Variants in CRACD observed in about 807,000 individuals in gnomAD.
CRACD encodes capping protein-inhibiting regulator of actin dynamics.
In CRACD, 56 loss-of-function variants were observed where a neutral mutation model predicts 106.8. The ratio of observed to expected loss-of-function variants is 0.52; its 90% CI spans 0.42 to 0.66. CRACD has a LOEUF of 0.66. Among genes scored for constraint, CRACD ranks in the 30% least tolerant of loss-of-function variants. The pLI, the probability that CRACD is intolerant of heterozygous loss-of-function variation, is 0.00. For missense variants in CRACD, 1,730 were observed against 1,623.2 expected, an observed-to-expected ratio of 1.07 and a Z score of -1.13; for synonymous variants, 754 against 670.8, an observed-to-expected ratio of 1.12 and a Z score of -1.92.
chr4:56,096,408 G>A (rs1733600772), intron 1 of CRACD, among the ~76,000 whole-genome samples: 1 of 152,102 alleles, frequency 6.6e-6, no homozygotes, highest in African/African-American at 2.4e-5. Flanking sequence ...AAAGATGGAA[G>A]TGTTTCAGGA....
intron 1 of CRACD, among the ~76,000 whole-genome samples, chr4:56,168,947 G>C (rs529592377): frequency 3.9e-5 from 6 of 152,062 alleles, no homozygotes; most frequent in Admixed American, 3.3e-4. Context: ...ATAGAAAAAC[G>C]TCATCAGTAG....
intron 3 of CRACD, among the ~76,000 whole-genome samples, chr4:56,294,045 G>A (rs1005605088): frequency 4.5e-4 from 68 of 152,052 alleles, no homozygotes; most frequent in African/African-American, 1.6e-3. Context: ...AGGGAAGATG[G>A]CAAGAACTCA....
intron 2 of CRACD, among the ~76,000 whole-genome samples, chr4:56,197,731 G>T (rs1171408155): frequency 6.6e-6 from 1 of 151,736 alleles, no homozygotes; most frequent in Non-Finnish European, 1.5e-5. Context: ...CCGCTGGAGT[G>T]CAGTGGTGGG....
Position 56,179,446 on chromosome 4 carries a change from A to G in CRACD, c.-189+16A>G, listed in dbSNP as rs1013620780. ...ATTAAGATAGGTAAGTCTTTTATGT[A>G]GAGTATGGAGAGGGAAGTAGCTTAT... is the stretch of plus-strand genomic sequence containing the variant. On this transcript the variant is annotated intron_variant, in intron 2 of 10. Transcript: ENST00000682029. 2 of 152,202 alleles carry G rather than the reference A, an allele frequency of 1.3e-5. No individual in the cohort carries two copies. 9.4% of individuals were successfully genotyped at this position (152,202 alleles called of 1,614,324 possible).
At position 56,265,294 on chromosome 4, in the gene CRACD, C is replaced by T. The variant is rs557216694; in HGVS notation, c.-188-7027C>T. On this transcript the variant is annotated intron_variant, in intron 2 of 10. Coordinates refer to ENST00000682029, the MANE Select transcript of CRACD (RefSeq NM_001393381.1). ...ATGGGATTCAGGCCATTGTTGTATA[C>T]ATGTTTGAAATCAGAAGTTGAAATA... is the stretch of plus-strand genomic sequence containing the variant. Among the ~76,000 whole-genome samples, 198 of 152,118 alleles carry T rather than the reference C, an allele frequency of 1.3e-3. 2 individuals carry two copies. Among genetic ancestry groups the T allele is most frequent in the Non-Finnish European group, 5.6e-4 (38 of 68,040 alleles).
intron 2 of CRACD, among the ~76,000 whole-genome samples, chr4:56,267,811 C>A (rs1742113931): frequency 6.6e-6 from 1 of 152,100 alleles, no homozygotes; most frequent in African/African-American, 2.4e-5. Context: ...AAGTTATTGC[C>A]CATATTAAGT....
chr4:56,307,024 A>G (rs1744763381), intron 4 of CRACD, among the ~76,000 whole-genome samples: 1 of 152,228 alleles, frequency 6.6e-6, no homozygotes, highest in South Asian at 2.1e-4. Flanking sequence ...GCTGGTGAGG[A>G]AGGCTGCGGA....
intron 1 of CRACD, among the ~76,000 whole-genome samples, chr4:56,070,234 G>A (rs892838636): frequency 6.6e-6 from 1 of 151,162 alleles, no homozygotes; most frequent in Non-Finnish European, 1.5e-5. Flanking sequence ...CCGGTTCCAC[G>A]CCTTCTCCAC....
At chr4:56,288,216 T>C (rs1284228796) in intron 3 of CRACD, among the ~76,000 whole-genome samples, 1 of 152,204 alleles carries the variant, frequency 6.6e-6, no homozygotes, top group East Asian at 1.9e-4. Context: ...CTTACCTTCC[T>C]CCTCCTGCTC....
At chr4:56,098,875 A>G (rs772667680) in intron 1 of CRACD, among the ~76,000 whole-genome samples, 1 of 152,096 alleles carries the variant, frequency 6.6e-6, no homozygotes, top group Non-Finnish European at 1.5e-5. Flanking sequence ...TGGTTTCACC[A>G]TATTGGCCAG....
chr4:56,254,427 A>G (rs17086564), intron 2 of CRACD, among the ~76,000 whole-genome samples: 8,719 of 151,176 alleles, frequency 0.058, 515 homozygotes, highest in African/African-American at 0.14. Context: ...CTCAGGTATC[A>G]TATCAGTGTA....
At chr4:56,260,675 G>C (rs753555092) in intron 2 of CRACD, among the ~76,000 whole-genome samples, 2 of 152,216 alleles carry the variant, frequency 1.3e-5, no homozygotes, top group Non-Finnish European at 2.9e-5. Flanking sequence ...TACATTGAAA[G>C]ATTTTAAAAG....
chr4:56,161,923 C>G lies in CRACD; in HGVS notation c.-335-17361C>G, dbSNP rs184727451. Among the ~76,000 whole-genome samples, 303 of 151,480 alleles carry G rather than the reference C, an allele frequency of 2.0e-3. 3 individuals carry two copies. Among genetic ancestry groups the G allele is most frequent in the African/African-American group, 6.9e-3 (285 of 41,254 alleles). On this transcript the variant is annotated intron_variant, in intron 1 of 10. Coordinates refer to ENST00000682029, the MANE Select transcript of CRACD (RefSeq NM_001393381.1). ...GGATTACAGGTGCATGCCACCATAC[C>G]CAGCTAATTTTTGTATTTTTAGTAG... is the stretch of plus-strand genomic sequence containing the variant.
intron 3 of CRACD, among the ~76,000 whole-genome samples, chr4:56,283,976 C>T (rs374379615): frequency 6.6e-6 from 1 of 152,140 alleles, no homozygotes; most frequent in East Asian, 1.9e-4. Context: ...GAACAGCCTC[C>T]TGACTTGCCA....
intron 2 of CRACD, among the ~76,000 whole-genome samples, chr4:56,237,294 C>A (rs1740035106): frequency 6.6e-6 from 1 of 151,880 alleles, no homozygotes; most frequent in Non-Finnish European, 1.5e-5. Flanking sequence ...TAAAATGAAA[C>A]CAATATGCAT....
At chr4:56,135,872 A>T (rs377701963) in intron 1 of CRACD, among the ~76,000 whole-genome samples, 2 of 152,032 alleles carry the variant, frequency 1.3e-5, no homozygotes, top group African/African-American at 4.8e-5. Flanking sequence ...AATTAATAGA[A>T]AGACTATTTC....
At chr4:56,150,548 C>G (rs1419830860) in intron 1 of CRACD, among the ~76,000 whole-genome samples, 1 of 152,182 alleles carries the variant, frequency 6.6e-6, no homozygotes, top group African/African-American at 2.4e-5. Context: ...TCTTCCCAAT[C>G]ATAATTTCTT....
chr4:56,076,221 T>G (rs1257107202), intron 1 of CRACD, among the ~76,000 whole-genome samples: 1 of 152,148 alleles, frequency 6.6e-6, no homozygotes, highest in Non-Finnish European at 1.5e-5. Flanking sequence ...AAGGGAGCCA[T>G]GCCTAGTAGA....
intron 1 of CRACD, among the ~76,000 whole-genome samples, chr4:56,088,500 C>T (rs1162266158): frequency 6.6e-6 from 1 of 150,800 alleles, no homozygotes; most frequent in Non-Finnish European, 1.5e-5. Flanking sequence ...ACCATGATGC[C>T]CGGCATTATA....
Sources: allele counts gnomAD v4.1 joint callset (sites outside exome capture counted in the v4.1 genomes callset), GRCh38; gene constraint gnomAD v4.1.1; transcripts MANE v1.5; gene names NCBI Gene and HGNC (gene_info 2026-07-23, HGNC 2026-07-21).